DYNC1I1: variants seen among roughly 807,000 people sequenced by gnomAD.
DYNC1I1 encodes the protein dynein cytoplasmic 1 intermediate chain 1.
A neutral mutation model predicts 86.6 loss-of-function variants in DYNC1I1; 43 were observed. The observed-to-expected ratio is 0.50, with a 90% CI of 0.39 to 0.64. The LOEUF (loss-of-function observed/expected upper bound fraction) is 0.64, where lower values mean the gene tolerates loss of function less well. Among genes scored for constraint, DYNC1I1 ranks in the 30% least tolerant of loss-of-function variants. The pLI is 0.00. For synonymous variants in DYNC1I1, 262 were observed against 283.7 expected, an observed-to-expected ratio of 0.92 and a Z score of 0.77; for missense variants, 604 against 788.8, an observed-to-expected ratio of 0.77 and a Z score of 2.81.
rs114971134 is a variant in DYNC1I1, at chr7:95,854,722, C to T, written c.375-15161C>T. The stretch of plus-strand genomic sequence containing the variant: ...AATTTAATACAGTTTAATTGAGCAA[C>T]GAACAGTTCACAAATCAGGTAGGCC... On this transcript the variant is annotated intron_variant, in intron 5 of 16. Coordinates refer to ENST00000447467, the MANE Select transcript of DYNC1I1 (RefSeq NM_001135556.2). Among the ~76,000 whole-genome samples, 936 of 152,134 alleles carry T rather than the reference C, an allele frequency of 6.2e-3. 16 individuals carry two copies. The highest frequency in any genetic ancestry group is 0.022 in the African/African-American group (895 of 41,510).
intron 11 of DYNC1I1, among the ~76,000 whole-genome samples, chr7:96,029,910 A>T (rs930154489): frequency 2.9e-5 from 4 of 140,226 alleles, no homozygotes; most frequent in Non-Finnish European, 6.2e-5. Flanking sequence ...GACTTCCTCT[A>T]AAAAAAAAAA....
intron 6 of DYNC1I1, among the ~76,000 whole-genome samples, chr7:95,955,941 A>G (rs1460029468): frequency 6.6e-6 from 1 of 152,166 alleles, no homozygotes; most frequent in East Asian, 1.9e-4. Context: ...GGTGCCTGTT[A>G]CTGAGAGTAA....
intron 14 of DYNC1I1, among the ~76,000 whole-genome samples, chr7:96,068,135 TC>T (rs1790049260): frequency 6.6e-6 from 1 of 152,142 alleles, no homozygotes; most frequent in Admixed American, 6.6e-5. Flanking sequence ...TAGACTATTT[TC>T]CCACTGCCAC....
Position 95,898,450 on chromosome 7 carries a change from T to A in DYNC1I1, c.490+28452T>A, listed in dbSNP as rs537018001. ...TCTCCATCCCTTCTGTTCCCCCATA[T>A]GCTATTTACATATAACATCTTGGGG... On this transcript the variant is annotated intron_variant, in intron 6 of 16. Transcript: ENST00000447467. Among the ~76,000 whole-genome samples the A allele has an allele frequency of 7.2e-5, 11 of 152,314 alleles. No individual in the cohort carries two copies. The East Asian group carries it at 2.1e-3, about 29-fold the overall frequency.
rs548809100 is a variant in DYNC1I1 at position 96,085,931 on chromosome 7, A to AT, written c.1776+5451dup. Reference sequence around the variant, plus strand: ...TACCTGAAAACAGAGCTATTGTTGGATTTTTTTTCAAATGATGTATGAACA... The same window carrying AT: ...TACCTGAAAACAGAGCTATTGTTGGATTTTTTTTTCAAATGATGTATGAACA... On this transcript the variant is annotated intron_variant, in intron 16 of 16. Transcript: ENST00000447467. Among the ~76,000 whole-genome samples the AT allele has an allele frequency of 6.7e-5, 10 of 150,102 alleles. No individual in the cohort carries two copies. The East Asian group carries it at 1.7e-3, about 25-fold the overall frequency.
At chr7:96,005,992 C>G (rs1430609829) in intron 10 of DYNC1I1, among the ~76,000 whole-genome samples, 1 of 152,078 alleles carries the variant, frequency 6.6e-6, no homozygotes, top group Non-Finnish European at 1.5e-5. Flanking sequence ...GCTTCTCTGG[C>G]AGCAAGGACA....
At chr7:95,831,461 C>T (rs529652908) in intron 5 of DYNC1I1, among the ~76,000 whole-genome samples, 1 of 152,226 alleles carries the variant, frequency 6.6e-6, no homozygotes, top group South Asian at 2.1e-4. Context: ...CAACCTCTGC[C>T]TCCCAGGCCA....
In DYNC1I1 at chr7:95,996,086, G is replaced by A. The variant is rs894957655; in HGVS notation, c.969+13G>A. ...CTTCCACTGTCAGGTAGGAGTCAGC[G>A]TAGTAAAAATAACTTACATCTCCTG... is the stretch of plus-strand genomic sequence containing the variant. On this transcript the variant is annotated intron_variant, in intron 10 of 16. Transcript: ENST00000447467. 2.3e-5 allele frequency: 37 copies of A among 1,613,856 alleles called. No individual in the cohort carries two copies. The highest frequency in any genetic ancestry group is 5.0e-5 in the Admixed American group (3 of 59,988).
chr7:95,855,505 T>A (rs1232741495), intron 5 of DYNC1I1, among the ~76,000 whole-genome samples: 1 of 152,240 alleles, frequency 6.6e-6, no homozygotes, highest in Non-Finnish European at 1.5e-5. Context: ...GAAAGCTTTC[T>A]GCTGTTAAAG....
At chr7:95,958,464 A>C (rs1792777597) in intron 6 of DYNC1I1, among the ~76,000 whole-genome samples, 1 of 152,098 alleles carries the variant, frequency 6.6e-6, no homozygotes, top group African/African-American at 2.4e-5. Flanking sequence ...GGAAAGCTAA[A>C]GAAGAAGGAT....
At chr7:95,813,361 C>G in intron 4 of DYNC1I1, 24 bp downstream of exon 4, 6 of 1,574,748 alleles carry the variant, frequency 3.8e-6, no homozygotes, top group Non-Finnish European at 4.3e-6. Context: ...CTTTAAAAGG[C>G]CATGATGGGT....
rs1584225581 is a variant in DYNC1I1 at position 95,984,736 on chromosome 7, T to C, written c.581-79T>C. 2.2e-6 allele frequency: 3 copies of C among 1,384,760 alleles called. No individual in the cohort carries two copies. In the East Asian group the frequency reaches 7.4e-5, roughly 34 times the overall value. 85.8% of individuals were successfully genotyped at this position (1,384,760 alleles called of 1,614,324 possible). A position where few individuals can be genotyped will look rare whatever the true frequency, so the allele number is the denominator to read the frequency against. The stretch of plus-strand genomic sequence containing the variant: ...TTTGATAAGCAGTCTCTCTCAAGAA[T>C]TGGGTTCCTCTTGATAAGTTTTAAT... On this transcript the variant is annotated intron_variant, in intron 7 of 16. Coordinates refer to ENST00000447467, the MANE Select transcript of DYNC1I1 (RefSeq NM_001135556.2).
intron 16 of DYNC1I1, among the ~76,000 whole-genome samples, chr7:96,089,005 C>G (rs1790763345): frequency 6.6e-6 from 1 of 152,022 alleles, no homozygotes; most frequent in South Asian, 2.1e-4. Flanking sequence ...GCTCTTTCTC[C>G]TAATAGTCAA....
intron 5 of DYNC1I1, among the ~76,000 whole-genome samples, chr7:95,862,041 A>G (rs1340418819): frequency 6.6e-6 from 1 of 152,224 alleles, no homozygotes; most frequent in African/African-American, 2.4e-5. Context: ...TATATACAAA[A>G]ATTAACTCAA....
intron 14 of DYNC1I1, among the ~76,000 whole-genome samples, chr7:96,066,979 T>C (rs1338494934): frequency 6.6e-6 from 1 of 152,176 alleles, no homozygotes; most frequent in Non-Finnish European, 1.5e-5. Flanking sequence ...TTGGATTATT[T>C]TAAATTGAGA....
intron 5 of DYNC1I1, among the ~76,000 whole-genome samples, chr7:95,839,998 C>T (rs1290353283): frequency 6.6e-6 from 1 of 152,010 alleles, no homozygotes; most frequent in Non-Finnish European, 1.5e-5. Flanking sequence ...TTTTCAAAAT[C>T]CTCTCTTTGC....
chr7:95,846,092 A>G (rs1192177080), intron 5 of DYNC1I1, among the ~76,000 whole-genome samples: 4 of 152,162 alleles, frequency 2.6e-5, no homozygotes, highest in Admixed American at 2.6e-4. Flanking sequence ...TACAAATTCT[A>G]TGGAAGCTTT....
chr7:95,995,249 A>AAATAAAT (rs1793834350), intron 9 of DYNC1I1, among the ~76,000 whole-genome samples: 46 of 143,128 alleles, frequency 3.2e-4, no homozygotes, highest in Admixed American at 1.6e-3. Flanking sequence ...TCCATCTCAA[A>AAATAAAT]AAATAAATAA....
chr7:95,837,645 C>T (rs11974127), intron 5 of DYNC1I1: 2,803 of 150,358 alleles, frequency 0.019, 89 homozygotes, highest in African/African-American at 0.066. Context: ...GACCCTCCGA[C>T]CCAGGTGCGT....
Sources: allele counts gnomAD v4.1 joint callset (sites outside exome capture counted in the v4.1 genomes callset), GRCh38; gene constraint gnomAD v4.1.1; transcripts MANE v1.5; gene names NCBI Gene and HGNC (gene_info 2026-07-23, HGNC 2026-07-21).